Variants in ERICH5 observed in about 807,000 individuals in gnomAD.
ERICH5 encodes glutamate rich 5.
A neutral mutation model predicts 28.0 loss-of-function variants in ERICH5; 24 were observed. The observed-to-expected ratio is 0.86, with a 90% CI of 0.62 to 1.21. The LOEUF is 1.21. Among genes scored for constraint, ERICH5 ranks in the 50% most tolerant of loss-of-function variants. The probability of loss-of-function intolerance (pLI) is 0.00; values close to 1 mark genes in which losing one functional copy is unlikely to be tolerated. For missense variants in ERICH5, 421 were observed against 441.2 expected, an observed-to-expected ratio of 0.95 and a Z score of 0.41; for synonymous variants, 163 against 157.6, an observed-to-expected ratio of 1.03 and a Z score of -0.25.
intron 1 of ERICH5, among the ~76,000 whole-genome samples, chr8:98,072,636 TA>T (rs986555261): frequency 8.2e-4 from 124 of 151,508 alleles, no homozygotes; most frequent in African/African-American, 2.7e-3. Flanking sequence ...AGACTCCATC[TA>T]AAAAAAAATT....
chr8:98,082,572 G>A (rs895382858), intron 1 of ERICH5, among the ~76,000 whole-genome samples: 6 of 150,918 alleles, frequency 4.0e-5, no homozygotes, highest in Non-Finnish European at 5.9e-5. Context: ...TTGAACCTGG[G>A]AGGCAGAGAT....
chr8:98,077,030 A>G (rs997268606), intron 1 of ERICH5, among the ~76,000 whole-genome samples: 1 of 152,148 alleles, frequency 6.6e-6, no homozygotes, highest in African/African-American at 2.4e-5. Flanking sequence ...TAAAAGGCCA[A>G]CGCAGGAGGA....
chr8:98,080,685 T>TCTTCTC (rs1181189208), intron 1 of ERICH5, among the ~76,000 whole-genome samples: 1 of 149,102 alleles, frequency 6.7e-6, no homozygotes, highest in African/African-American at 2.5e-5. Context: ...TTCTTCTTCT[T>TCTTCTC]CTTCTCCCCC....
At chr8:98,085,727 G>T (rs527474545) in intron 1 of ERICH5, among the ~76,000 whole-genome samples, 1 of 152,262 alleles carries the variant, frequency 6.6e-6, no homozygotes, top group South Asian at 2.1e-4. Context: ...AGCACCACCT[G>T]CAGGGCCCTC....
At chr8:98,086,882 C>T (rs771995168) in intron 1 of ERICH5, among the ~76,000 whole-genome samples, 4 of 145,004 alleles carry the variant, frequency 2.8e-5, no homozygotes, top group Admixed American at 7.2e-5. Context: ...ACCCAGGTGG[C>T]GGAGCTTGCA....
intron 1 of ERICH5, among the ~76,000 whole-genome samples, chr8:98,081,086 T>TTCTC (rs369795643): frequency 0.013 from 1,929 of 149,718 alleles, 18 homozygotes; most frequent in Non-Finnish European, 0.018. Flanking sequence ...CATAATTTCT[T>TTCTC]TCTCTCTCTC....
intron 1 of ERICH5, among the ~76,000 whole-genome samples, chr8:98,076,406 T>TTC (rs1815056743): frequency 6.8e-6 from 1 of 147,128 alleles, no homozygotes; most frequent in African/African-American, 2.5e-5. Context: ...TTTTTTTTTT[T>TTC]CCTCGTGATC....
At chr8:98,087,904 G>T (rs1391212149) in intron 1 of ERICH5, among the ~76,000 whole-genome samples, 1 of 151,894 alleles carries the variant, frequency 6.6e-6, no homozygotes, top group African/African-American at 2.4e-5. Flanking sequence ...CTTTTAAGTT[G>T]TTTTCTAGCT....
intron 2 of ERICH5, among the ~76,000 whole-genome samples, chr8:98,091,905 C>CCTTTCTTTCTTTCTT (rs1815405843): frequency 1.2e-5 from 1 of 82,650 alleles, no homozygotes; most frequent in African/African-American, 5.4e-5. Flanking sequence ...TCTTTCCTTT[C>CCTTTCTTTCTTTCTT]TTTCTTTCTT....
intron 1 of ERICH5, among the ~76,000 whole-genome samples, chr8:98,082,991 A>AT (rs1297686004): frequency 6.6e-5 from 10 of 152,204 alleles, no homozygotes; most frequent in African/African-American, 2.2e-4. Context: ...GGAGAAATCA[A>AT]TTTTCTCAAA....
At chr8:98,084,053 A>ATTT (rs11298792) in intron 1 of ERICH5, among the ~76,000 whole-genome samples, 2 of 139,580 alleles carry the variant, frequency 1.4e-5, no homozygotes, top group East Asian at 2.1e-4. Flanking sequence ...GCTAATTTTA[A>ATTT]TTTTTTTTTT....
rs758799563 is a variant in ERICH5 at position 98,093,299 on chromosome 8, C to CA, written c.1092dup (p.Gly365ArgfsTer23). On this transcript the variant is annotated frameshift_variant, in exon 3 of 3. Transcript: ENST00000318528. LOFTEE classifies it high-confidence loss of function. ...GGGGCTGAAACCAAAGAAGAAGAAA[C>CA]AGGAGAAGTGGTGGACCTTTCAGCA... 1.2e-6 allele frequency: 2 copies of CA among 1,613,648 alleles called. No individual in the cohort carries two copies. Among genetic ancestry groups the CA allele is most frequent in the Non-Finnish European group, 1.7e-6 (2 of 1,179,752 alleles).
At chr8:98,075,564 A>G (rs1338078222) in intron 1 of ERICH5, among the ~76,000 whole-genome samples, 1 of 152,062 alleles carries the variant, frequency 6.6e-6, no homozygotes, top group East Asian at 1.9e-4. Context: ...CTAACCTGAG[A>G]GAGTGGTGGC....
In ERICH5 at chr8:98,064,598, G is replaced by T; in HGVS notation, c.-72G>T. 7.6e-7 allele frequency: 1 copy of T among 1,316,752 alleles called. No individual in the cohort carries two copies. Among genetic ancestry groups the T allele is most frequent in the Non-Finnish European group, 1.0e-6 (1 of 972,296 alleles). 81.6% of individuals were successfully genotyped at this position (1,316,752 alleles called of 1,614,324 possible). On this transcript the variant is annotated 5_prime_UTR_variant, in exon 1 of 3. Coordinates refer to ENST00000318528, the MANE Select transcript of ERICH5 (RefSeq NM_173549.3). The stretch of plus-strand genomic sequence containing the variant: ...TGGAGAAACTTCCGCGGCTACGGGT[G>T]CAGTTGCCTTCGGTTCCCGGTTCCG...
In ERICH5 at chr8:98,089,721, A is replaced by G. The variant is rs546455247; in HGVS notation, c.704A>G (p.Gln235Arg). The G allele has an allele frequency of 1.2e-6, 2 of 1,614,188 alleles. No homozygotes were observed. Among genetic ancestry groups the G allele is most frequent in the East Asian group, 4.5e-5 (2 of 44,888 alleles). Residue 235 changes from glutamine (Q) to arginine (R), a missense_variant, in exon 2 of 3, where the codon CAG (glutamine) becomes CGG (arginine). Gln to Arg is a conservative substitution (Grantham distance 43). Coordinates refer to ENST00000318528, the MANE Select transcript of ERICH5 (RefSeq NM_173549.3). Reference protein sequence around the residue: ...NESPEILEGSQFVETAEEQQL... With the variant: ...NESPEILEGSRFVETAEEQQL... ...TCTCCAGAAATATTGGAAGGAAGTC[A>G]GTTTGTGGAAACAGCTGAAGAGCAG...
At chr8:98,090,653 C>T (rs1411786098) in intron 2 of ERICH5, among the ~76,000 whole-genome samples, 2 of 151,424 alleles carry the variant, frequency 1.3e-5, no homozygotes, top group African/African-American at 4.8e-5. Context: ...TGTCAGTCTG[C>T]TCTTGTTCTT....
Position 98,091,868 on chromosome 8 carries a change from C to G in ERICH5, c.1013-1353C>G, listed in dbSNP as rs1005672357. ...TCTTTCTTTCTTTCTTTCTTTCTTT[C>G]TTTCTTTCTTTCTTTCTTTCTTTCT... On this transcript the variant is annotated intron_variant, in intron 2 of 2. Coordinates refer to ENST00000318528, the MANE Select transcript of ERICH5 (RefSeq NM_173549.3). Among the ~76,000 whole-genome samples the G allele has an allele frequency of 3.6e-4, 32 of 89,838 alleles. No individual in the cohort carries two copies. The South Asian group carries it at 6.2e-3, about 18-fold the overall frequency. The allele number at this position is 89,838 out of a possible 152,430, so 58.9% of individuals were successfully genotyped here. A position where few individuals can be genotyped will look rare whatever the true frequency, so the allele number is the denominator to read the frequency against.
chr8:98,070,672 A>AAAAAAAAAAAAAAAAAG, intron 1 of ERICH5, among the ~76,000 whole-genome samples: 1 of 147,304 alleles, frequency 6.8e-6, no homozygotes, highest in Non-Finnish European at 1.5e-5. Flanking sequence ...AAAAAAAAAA[A>AAAAAAAAAAAAAAAAAG]AAAAAAAAAA....
chr8:98,088,704 A>AG (rs978337976), intron 1 of ERICH5, among the ~76,000 whole-genome samples: 1 of 152,004 alleles, frequency 6.6e-6, no homozygotes, highest in African/African-American at 2.4e-5. Context: ...TGGAAAAAAA[A>AG]TTTTTTAAAA....
Sources: gnomAD v4.1 joint callset for allele counts (sites outside exome capture counted in the v4.1 genomes callset) on GRCh38, gnomAD v4.1.1 for gene constraint, MANE v1.5 for transcripts, NCBI Gene and HGNC (gene_info 2026-07-23, HGNC 2026-07-21) for gene names.